The following SEMA3A variants were observed in gnomAD, a reference collection of about 807,000 sequenced individuals.
The protein encoded by SEMA3A is semaphorin 3A.
Under a neutral mutation model 97.9 loss-of-function variants are expected in SEMA3A, and 29 were observed. The ratio of observed to expected loss-of-function variants is 0.30; its 90% CI spans 0.22 to 0.40. The LOEUF (loss-of-function observed/expected upper bound fraction) is 0.40, where lower values mean the gene tolerates loss of function less well. Among genes scored for constraint, SEMA3A ranks in the 10% least tolerant of loss-of-function variants. SEMA3A has a pLI of 1.00. For synonymous variants in SEMA3A, 321 were observed against 323.7 expected (o/e 0.99, Z 0.09); for missense variants, 763 against 951.3 (o/e 0.80, Z 2.60).
intron 1 of SEMA3A, among the ~76,000 whole-genome samples, chr7:84,447,211 C>T (rs1027256280): frequency 2.0e-5 from 3 of 152,166 alleles, no homozygotes; most frequent in African/African-American, 7.2e-5. Context: ...ATGGGAGGCG[C>T]GACCAATGGG....
chr7:84,055,365 GC>G (rs1447885557), intron 5 of SEMA3A, among the ~76,000 whole-genome samples: 1 of 152,194 alleles, frequency 6.6e-6, no homozygotes, highest in African/African-American at 2.4e-5. Flanking sequence ...GACTCCGTGG[GC>G]GTAGGACCCT....
rs187766433 is a variant in SEMA3A, at chr7:84,278,324, T to C, written c.-83+28883A>G. Reference sequence around the variant, plus strand: ...ACTATCAGCATCTGGGTTACAACAATTTATTGAGTCTCTTAGAAGTTCCAA... The same window carrying C: ...ACTATCAGCATCTGGGTTACAACAACTTATTGAGTCTCTTAGAAGTTCCAA... On this transcript the variant is annotated intron_variant, in intron 3 of 3. Coordinates refer to the SEMA3A transcript ENST00000424555. Among the ~76,000 whole-genome samples, 354 of 152,196 alleles carry C rather than the reference T, an allele frequency of 2.3e-3. 1 individual carries two copies. Among genetic ancestry groups the C allele is most frequent in the African/African-American group, 8.3e-3 (343 of 41,534 alleles).
chr7:84,079,380 C>T (rs2691696), intron 4 of SEMA3A, among the ~76,000 whole-genome samples: 60,891 of 148,550 alleles, frequency 0.41, 14,641 homozygotes, highest in African/African-American at 0.68. Context: ...AGAGCTTCTG[C>T]ACAGCAAAAG....
chr7:84,370,456 T>C (rs1273322469), intron 2 of SEMA3A, among the ~76,000 whole-genome samples: 2 of 151,674 alleles, frequency 1.3e-5, no homozygotes, highest in African/African-American at 4.8e-5. Flanking sequence ...ATAAAATATC[T>C]ATGGAAATCA....
At chr7:84,433,541 G>A (rs1489773885) in intron 1 of SEMA3A, among the ~76,000 whole-genome samples, 1 of 152,076 alleles carries the variant, frequency 6.6e-6, no homozygotes, top group Non-Finnish European at 1.5e-5. Flanking sequence ...AAACATATGT[G>A]TGCCTATGTC....
intron 4 of SEMA3A, among the ~76,000 whole-genome samples, chr7:84,099,500 T>C (rs1444072501): frequency 6.6e-6 from 1 of 152,188 alleles, no homozygotes; most frequent in Non-Finnish European, 1.5e-5. Flanking sequence ...AAAACTCACA[T>C]AACTTTGCCT....
At chr7:84,016,593 C>T (rs1343602745) in intron 6 of SEMA3A, among the ~76,000 whole-genome samples, 2 of 151,592 alleles carry the variant, frequency 1.3e-5, no homozygotes, top group Admixed American at 6.6e-5. Context: ...TTAATTTAGT[C>T]ACTTGTAGCT....
intron 2 of SEMA3A, among the ~76,000 whole-genome samples, chr7:84,366,043 A>G (rs1454112454): frequency 6.6e-6 from 1 of 151,458 alleles, no homozygotes; most frequent in African/African-American, 2.4e-5. Context: ...ATAAGGAAAA[A>G]CAAAGGCATT....
intron 11 of SEMA3A, among the ~76,000 whole-genome samples, chr7:84,004,829 C>T (rs929880264): frequency 3.3e-5 from 5 of 152,116 alleles, no homozygotes; most frequent in African/African-American, 4.8e-5. Flanking sequence ...TTGAAAGTAA[C>T]GATAGAAACT....
intron 2 of SEMA3A, among the ~76,000 whole-genome samples, chr7:84,363,540 A>T (rs540454): frequency 1.3e-5 from 2 of 151,686 alleles, no homozygotes; most frequent in Non-Finnish European, 2.9e-5. Context: ...AATTGACCTA[A>T]GATTTTTAAT....
intron 3 of SEMA3A, among the ~76,000 whole-genome samples, chr7:84,304,394 T>C (rs1801101689): frequency 1.3e-5 from 2 of 151,902 alleles, no homozygotes; most frequent in South Asian, 4.1e-4. Context: ...AGAATGCTTT[T>C]CAAAGAAAGA....
chr7:84,252,499 A>C (rs1799631410), intron 3 of SEMA3A, among the ~76,000 whole-genome samples: 1 of 152,220 alleles, frequency 6.6e-6, no homozygotes, highest in Non-Finnish European at 1.5e-5. Context: ...TTGAAAGTGA[A>C]GTCTCCTTCA....
intron 4 of SEMA3A, among the ~76,000 whole-genome samples, chr7:84,106,206 G>T (rs1162936044): frequency 6.6e-6 from 1 of 152,136 alleles, no homozygotes; most frequent in African/African-American, 2.4e-5. Context: ...CATGTAGGAT[G>T]GTAGGCCCCT....
intron 1 of SEMA3A, among the ~76,000 whole-genome samples, chr7:84,379,725 G>C (rs2116134423): frequency 6.6e-6 from 1 of 152,138 alleles, no homozygotes; most frequent in East Asian, 1.9e-4. Flanking sequence ...CAAAACTAAA[G>C]CTCTTTGTTC....
chr7:84,266,845 G>A (rs1800018271), intron 3 of SEMA3A, among the ~76,000 whole-genome samples: 1 of 152,024 alleles, frequency 6.6e-6, no homozygotes, highest in Non-Finnish European at 1.5e-5. Flanking sequence ...TCATTGGTGT[G>A]TCTATCAAAT....
chr7:84,354,784 T>C (rs1367544164), intron 2 of SEMA3A, among the ~76,000 whole-genome samples: 1 of 151,742 alleles, frequency 6.6e-6, no homozygotes, highest in Non-Finnish European at 1.5e-5. Context: ...ATGTGTTATG[T>C]ATGCCCCACA....
At chr7:84,423,817 A>G (rs1293823594) in intron 1 of SEMA3A, among the ~76,000 whole-genome samples, 2 of 152,048 alleles carry the variant, frequency 1.3e-5, no homozygotes, top group African/African-American at 4.8e-5. Flanking sequence ...GAAAAAAATA[A>G]TAATTTCATC....
intron 4 of SEMA3A, among the ~76,000 whole-genome samples, chr7:84,077,326 G>C (rs1283427268): frequency 6.6e-6 from 1 of 151,976 alleles, no homozygotes; most frequent in East Asian, 1.9e-4. Flanking sequence ...AATGTTTTTA[G>C]TTCCAAATTG....
chr7:84,180,453 C>T (rs1021082876), intron 1 of SEMA3A, among the ~76,000 whole-genome samples: 13 of 152,060 alleles, frequency 8.5e-5, no homozygotes, highest in East Asian at 7.8e-4. Context: ...TTTGGGAGGC[C>T]GAGGCAGGTG....
Sources: allele counts gnomAD v4.1 joint callset (sites outside exome capture counted in the v4.1 genomes callset), GRCh38; gene constraint gnomAD v4.1.1; transcripts MANE v1.5; gene names NCBI Gene and HGNC (gene_info 2026-07-23, HGNC 2026-07-21).